Variants in ATXN7L1 observed in about 807,000 individuals in gnomAD.
ATXN7L1 encodes ataxin 7 like 1, also known as ataxin-7-like protein 1.
Under a neutral mutation model 70.8 loss-of-function variants are expected in ATXN7L1, and 15 were observed. The observed-to-expected ratio is 0.21, with a 90% CI of 0.14 to 0.33. The LOEUF (loss-of-function observed/expected upper bound fraction) is 0.33. Among genes scored for constraint, ATXN7L1 ranks in the 10% least tolerant of loss-of-function variants. The pLI is 1.00. For synonymous variants in ATXN7L1, 440 were observed against 445.1 expected, an observed-to-expected ratio of 0.99 and a Z score of 0.14; for missense variants, 975 against 1,097.1, an observed-to-expected ratio of 0.89 and a Z score of 1.57.
Position 105,788,700 on chromosome 7 carries a change from A to G in ATXN7L1, c.259T>C (p.Leu87=). ...TCATGTGCTGGGTAATGGCCAAATA[A>G]GTGCATATCTGTGGGGGAAATGAAA... ...VMRLNKEDMH[L]FGHYPAHDDF... is the part of the protein sequence containing the mutation. Residue 87 remains leucine, a synonymous_variant, in exon 3 of 12, where the codon TTA becomes CTA. Coordinates refer to ENST00000419735, the MANE Select transcript of ATXN7L1 (RefSeq NM_020725.2). The G allele has an allele frequency of 6.2e-7, 1 of 1,609,348 alleles. No homozygotes were observed. Among genetic ancestry groups the G allele is most frequent in the South Asian group, 1.1e-5 (1 of 90,952 alleles).
At chr7:105,733,633 C>CCAT (rs1563049039) in intron 3 of ATXN7L1, among the ~76,000 whole-genome samples, 6 of 38,272 alleles carry the variant, frequency 1.6e-4, no homozygotes, top group African/African-American at 4.3e-4. Flanking sequence ...CATCCATCCA[C>CCAT]CCATCCATCC....
intron 3 of ATXN7L1, among the ~76,000 whole-genome samples, chr7:105,701,138 A>G (rs1792404973): frequency 3.3e-5 from 5 of 151,962 alleles, no homozygotes; most frequent in Admixed American, 3.3e-4. Flanking sequence ...TCTAAAAATT[A>G]CAGCAAAAGG....
intron 7 of ATXN7L1, among the ~76,000 whole-genome samples, chr7:105,636,163 G>A (rs917415216): frequency 2.0e-5 from 3 of 152,152 alleles, no homozygotes; most frequent in African/African-American, 7.2e-5. Context: ...GGGAGGCCGA[G>A]GTGGGCGAAT....
intron 3 of ATXN7L1, among the ~76,000 whole-genome samples, chr7:105,727,746 G>GTATATATATA (rs1232202676): frequency 7.8e-4 from 43 of 55,324 alleles, no homozygotes; most frequent in East Asian, 5.6e-3. Context: ...GTGTATGTGT[G>GTATATATATA]TATATATATA....
intron 2 of ATXN7L1, among the ~76,000 whole-genome samples, chr7:105,829,639 C>T (rs1435769719): frequency 6.6e-6 from 1 of 152,194 alleles, no homozygotes; most frequent in Non-Finnish European, 1.5e-5. Context: ...ACACTACTGC[C>T]AGGGTCCCCA....
intron 3 of ATXN7L1, among the ~76,000 whole-genome samples, chr7:105,753,047 C>T (rs1445410998): frequency 6.6e-6 from 1 of 152,250 alleles, no homozygotes; most frequent in African/African-American, 2.4e-5. Context: ...TGTAACACAG[C>T]CAAGTGGTCA....
Position 105,835,149 on chromosome 7 carries a change from G to GTTTTTTT in ATXN7L1, c.250+40656_250+40662dup, listed in dbSNP as rs10587073. On this transcript the variant is annotated intron_variant, in intron 2 of 11. Transcript: ENST00000419735. ...TTTTTTAATAATTTATAAGTGTGTG[G>GTTTTTTT]TTTTTTTTTTTTTTTTTTTTTTTGA... Among the ~76,000 whole-genome samples the GTTTTTTT allele has an allele frequency of 2.4e-3, 164 of 67,322 alleles. 4 individuals are homozygous for GTTTTTTT. The highest frequency in any genetic ancestry group is 6.9e-3 in the East Asian group (17 of 2,450). The allele number at this position is 67,322 out of a possible 152,430, so 44.2% of individuals were successfully genotyped here. A position where few individuals can be genotyped will look rare whatever the true frequency, so the allele number is the denominator to read the frequency against.
chr7:105,719,829 G>A (rs973648644), intron 3 of ATXN7L1, among the ~76,000 whole-genome samples: 4 of 152,212 alleles, frequency 2.6e-5, no homozygotes, highest in African/African-American at 9.6e-5. Context: ...TTTTGGAGTA[G>A]ATTTCTGCTT....
intron 10 of ATXN7L1, chr7:105,613,590 A>G: frequency 7.4e-7 from 1 of 1,357,162 alleles, no homozygotes; most frequent in Non-Finnish European, 9.6e-7. Context: ...CTGTAAAGTG[A>G]TAACTGCACT....
At chr7:105,871,264 G>A (rs1241564234) in intron 2 of ATXN7L1, among the ~76,000 whole-genome samples, 1 of 151,996 alleles carries the variant, frequency 6.6e-6, no homozygotes, top group Non-Finnish European at 1.5e-5. Context: ...GAAGTGAAAC[G>A]ACTTCCAAAG....
At chr7:105,727,947 G>C (rs991817667) in intron 3 of ATXN7L1, among the ~76,000 whole-genome samples, 1 of 150,854 alleles carries the variant, frequency 6.6e-6, no homozygotes, top group Non-Finnish European at 1.5e-5. Context: ...GCTTGTAGTA[G>C]TATTAAGAAG....
At chr7:105,851,783 C>T (rs1814921271) in intron 2 of ATXN7L1, among the ~76,000 whole-genome samples, 1 of 152,076 alleles carries the variant, frequency 6.6e-6, no homozygotes, top group South Asian at 2.1e-4. Context: ...CAGAACCATC[C>T]CCAGGAGAAA....
intron 2 of ATXN7L1, among the ~76,000 whole-genome samples, chr7:105,795,615 T>G (rs550549051): frequency 2.6e-5 from 4 of 152,260 alleles, no homozygotes; most frequent in Admixed American, 6.5e-5. Flanking sequence ...AAATAAGGCT[T>G]GATTCCTCCC....
chr7:105,875,583 T>G (rs1819015527), intron 2 of ATXN7L1, among the ~76,000 whole-genome samples: 1 of 149,556 alleles, frequency 6.7e-6, no homozygotes, highest in Non-Finnish European at 1.5e-5. Context: ...GGAGTCCAAC[T>G]GAAGTGCAGT....
At chr7:105,751,266 T>C (rs1799181529) in intron 3 of ATXN7L1, among the ~76,000 whole-genome samples, 1 of 152,056 alleles carries the variant, frequency 6.6e-6, no homozygotes, top group East Asian at 1.9e-4. Context: ...GAGTTATGCA[T>C]ATAGGAAAAG....
At chr7:105,723,698 C>G (rs899429735) in intron 3 of ATXN7L1, among the ~76,000 whole-genome samples, 1 of 152,204 alleles carries the variant, frequency 6.6e-6, no homozygotes, top group Non-Finnish European at 1.5e-5. Flanking sequence ...CACAGCCCTG[C>G]AGCCTCTTCC....
rs1585226158 is a variant in ATXN7L1 at position 105,876,582 on chromosome 7, T to G, written c.-24A>C. The G allele has an allele frequency of 1.5e-6, 2 of 1,376,044 alleles. No homozygotes were observed. Among genetic ancestry groups the G allele is most frequent in the Non-Finnish European group, 9.7e-7 (1 of 1,036,016 alleles). The allele number at this position is 1,376,044 out of a possible 1,614,324, so 85.2% of individuals were successfully genotyped here. ...ATCTTCGGAACGTTCCGACATTGAG[T>G]GTTCTGAAAGGGGGAGGGAGGGAGG... On this transcript the variant is annotated 5_prime_UTR_variant, in exon 1 of 12. Transcript: ENST00000419735.
chr7:105,778,478 T>G (rs1005717432), intron 3 of ATXN7L1, among the ~76,000 whole-genome samples: 3 of 127,204 alleles, frequency 2.4e-5, no homozygotes, highest in Admixed American at 1.9e-4. Flanking sequence ...GCCACTGCAC[T>G]CCAGCTTGGG....
intron 8 of ATXN7L1, among the ~76,000 whole-genome samples, chr7:105,620,562 C>T (rs939070151): frequency 1.6e-4 from 24 of 152,060 alleles, no homozygotes; most frequent in African/African-American, 5.3e-4. Flanking sequence ...GAAGGGGCTA[C>T]GTTTTCTACT....
Sources: allele counts gnomAD v4.1 joint callset (sites outside exome capture counted in the v4.1 genomes callset), GRCh38; gene constraint gnomAD v4.1.1; transcripts MANE v1.5; gene names NCBI Gene and HGNC (gene_info 2026-07-23, HGNC 2026-07-21).